Variants in LRRC4C observed in about 807,000 individuals in gnomAD.
LRRC4C encodes leucine rich repeat containing 4C, also known as leucine-rich repeat-containing protein 4C.
LRRC4C carries 5 observed loss-of-function variants against 33.6 expected under a neutral mutation model. The observed-to-expected ratio is 0.15, with a 90% CI of 0.08 to 0.31. The LOEUF (loss-of-function observed/expected upper bound fraction) is 0.31. Among genes scored for constraint, LRRC4C ranks in the 10% least tolerant of loss-of-function variants. The pLI, the probability that LRRC4C is intolerant of heterozygous loss-of-function variation, is 1.00. For synonymous variants in LRRC4C, 329 were observed against 302.0 expected, an observed-to-expected ratio of 1.09 and a Z score of -0.93; for missense variants, 560 against 796.7, an observed-to-expected ratio of 0.70 and a Z score of 3.58.
intron 2 of LRRC4C, among the ~76,000 whole-genome samples, chr11:40,888,557 ATGT>A (rs1480927118): frequency 1.3e-5 from 2 of 152,006 alleles, no homozygotes; most frequent in Non-Finnish European, 2.9e-5. Flanking sequence ...TTATTTGGAA[ATGT>A]TGTTCCCTCA....
chr11:41,393,612 A>T (rs138448240), intron 1 of LRRC4C, among the ~76,000 whole-genome samples: 1 of 152,070 alleles, frequency 6.6e-6, no homozygotes, highest in Non-Finnish European at 1.5e-5. Flanking sequence ...AAAGCATAAA[A>T]GCACTCAAGA....
intron 3 of LRRC4C, among the ~76,000 whole-genome samples, chr11:40,535,561 A>G (rs1956437131): frequency 6.6e-6 from 1 of 152,254 alleles, no homozygotes; most frequent in South Asian, 2.1e-4. Flanking sequence ...GATCTTCTCC[A>G]TAAGATGCCA....
chr11:41,318,874 T>C (rs528235303), intron 1 of LRRC4C, among the ~76,000 whole-genome samples: 5 of 152,176 alleles, frequency 3.3e-5, no homozygotes, highest in South Asian at 2.1e-4. Flanking sequence ...CTCATGGATA[T>C]TGAACACTCA....
chr11:40,509,206 T>A (rs1395318111), intron 3 of LRRC4C, among the ~76,000 whole-genome samples: 1 of 152,182 alleles, frequency 6.6e-6, no homozygotes, highest in South Asian at 2.1e-4. Context: ...AAAATAATTC[T>A]GCAGGAAATC....
intron 3 of LRRC4C, among the ~76,000 whole-genome samples, chr11:40,393,105 A>G (rs912199418): frequency 5.3e-5 from 8 of 152,156 alleles, no homozygotes; most frequent in Admixed American, 5.2e-4. Flanking sequence ...TCAGAAGAGA[A>G]AAATATTGTA....
At chr11:40,865,531 AT>A (rs1954321245) in intron 2 of LRRC4C, among the ~76,000 whole-genome samples, 6 of 151,102 alleles carry the variant, frequency 4.0e-5, no homozygotes, top group Non-Finnish European at 8.8e-5. Flanking sequence ...ATATATATAT[AT>A]AATTTCAAAA....
chr11:41,234,766 A>G (rs1266604156), intron 1 of LRRC4C, among the ~76,000 whole-genome samples: 2 of 152,012 alleles, frequency 1.3e-5, no homozygotes, highest in East Asian at 3.9e-4. Context: ...GGGAAGGACT[A>G]TGGGTAGCTG....
intron 4 of LRRC4C, among the ~76,000 whole-genome samples, chr11:40,259,017 C>G (rs1307105757): frequency 6.6e-6 from 1 of 152,176 alleles, no homozygotes; most frequent in African/African-American, 2.4e-5. Flanking sequence ...CTTGTAACAA[C>G]TCTCTGAGTT....
intron 4 of LRRC4C, among the ~76,000 whole-genome samples, chr11:40,263,344 A>G (rs1398015549): frequency 6.6e-6 from 1 of 152,140 alleles, no homozygotes; most frequent in Non-Finnish European, 1.5e-5. Flanking sequence ...TGGCTGTTAA[A>G]AAAGTTAATA....
chr11:40,429,458 A>T (rs1380670493), intron 3 of LRRC4C, among the ~76,000 whole-genome samples: 4 of 152,126 alleles, frequency 2.6e-5, no homozygotes, highest in Non-Finnish European at 4.4e-5. Context: ...TTCACATTTG[A>T]CTTAGTTTAA....
rs1283924576 is a variant in LRRC4C at position 40,867,383 on chromosome 11, C to T, written c.-407+66252G>A. Among the ~76,000 whole-genome samples, 4 of 152,188 alleles carry T rather than the reference C, an allele frequency of 2.6e-5. 1 individual carries two copies. Among genetic ancestry groups the T allele is most frequent in the South Asian group, 2.1e-4 (1 of 4,830 alleles). ...GCCCTACCAGATATCATTTTCTTGA[C>T]TGTAAACTTGCAATAATACTGTCTC... is the stretch of plus-strand genomic sequence containing the variant. On this transcript the variant is annotated intron_variant, in intron 2 of 6. Coordinates refer to ENST00000528697, the MANE Select transcript of LRRC4C (RefSeq NM_001258419.2).
chr11:40,216,814 C>T (rs1477875403), intron 5 of LRRC4C, among the ~76,000 whole-genome samples: 1 of 152,124 alleles, frequency 6.6e-6, no homozygotes, highest in African/African-American at 2.4e-5. Context: ...TGGAAGACCG[C>T]AAGTTCTTTA....
chr11:40,140,026 C>G (rs536802682), intron 6 of LRRC4C, among the ~76,000 whole-genome samples: 4 of 152,268 alleles, frequency 2.6e-5, no homozygotes, highest in South Asian at 4.2e-4. Context: ...TACTGTGTGT[C>G]AGGCACTGTA....
At chr11:40,188,577 G>C (rs59737213) in intron 5 of LRRC4C, among the ~76,000 whole-genome samples, 1 of 152,190 alleles carries the variant, frequency 6.6e-6, no homozygotes, top group African/African-American at 2.4e-5. Flanking sequence ...GGTTTCAAAA[G>C]GTTTGAACAA....
intron 1 of LRRC4C, among the ~76,000 whole-genome samples, chr11:41,265,192 T>C (rs1202930313): frequency 6.6e-6 from 1 of 151,994 alleles, no homozygotes; most frequent in African/African-American, 2.4e-5. Flanking sequence ...TAACTTAGAG[T>C]ATGTGATATC....
At chr11:40,261,207 A>G (rs761278590) in intron 4 of LRRC4C, among the ~76,000 whole-genome samples, 3 of 152,178 alleles carry the variant, frequency 2.0e-5, no homozygotes, top group African/African-American at 7.2e-5. Context: ...TTCTTTTAAA[A>G]TATGTACTGG....
chr11:40,363,276 G>A (rs1353510452), intron 3 of LRRC4C, among the ~76,000 whole-genome samples: 2 of 152,108 alleles, frequency 1.3e-5, no homozygotes, highest in African/African-American at 2.4e-5. Context: ...TGGAACTGGA[G>A]GCCATTATCC....
chr11:41,376,120 A>G (rs1229950621), intron 1 of LRRC4C, among the ~76,000 whole-genome samples: 7 of 151,808 alleles, frequency 4.6e-5, no homozygotes, highest in Non-Finnish European at 1.0e-4. Flanking sequence ...TCCAGAAACA[A>G]TTTACTCTGT....
chr11:40,362,087 C>T (rs1947981306), intron 3 of LRRC4C, among the ~76,000 whole-genome samples: 1 of 152,142 alleles, frequency 6.6e-6, no homozygotes, highest in Admixed American at 6.5e-5. Flanking sequence ...TGGACCCTTT[C>T]CTTACACTCT....
Sources: allele counts gnomAD v4.1 joint callset (sites outside exome capture counted in the v4.1 genomes callset), GRCh38; gene constraint gnomAD v4.1.1; transcripts MANE v1.5; gene names NCBI Gene and HGNC (gene_info 2026-07-23, HGNC 2026-07-21).